TNR: variants seen among roughly 807,000 people sequenced by gnomAD.
TNR encodes the protein tenascin R.
Under a neutral mutation model 150.4 loss-of-function variants are expected in TNR, and 45 were observed. The ratio of observed to expected loss-of-function variants is 0.30; its 90% CI spans 0.24 to 0.38. The LOEUF is 0.38. TNR is among the 10% of genes least tolerant of loss of function. The probability of loss-of-function intolerance (pLI) is 1.00; values close to 1 mark genes in which losing one functional copy is unlikely to be tolerated. For missense variants in TNR, 1,544 were observed against 1,759.1 expected (o/e 0.88, Z 2.19); for synonymous variants, 687 against 678.4 (o/e 1.01, Z -0.20).
At position 175,724,918 on chromosome 1, in the gene TNR, C is replaced by A. The variant is rs1177110939; in HGVS notation, c.-165+18308G>T. On this transcript the variant is annotated intron_variant, in intron 1 of 22. Transcript: ENST00000367674. Reference sequence around the variant, plus strand: ...AAAAAGGGGAAGAACATAGAGCAGACCCTAGGGAGTGTGGGGAACTCAGAA... The same window carrying A: ...AAAAAGGGGAAGAACATAGAGCAGAACCTAGGGAGTGTGGGGAACTCAGAA... Among the ~76,000 whole-genome samples, 5 of 152,094 alleles carry A rather than the reference C, an allele frequency of 3.3e-5. No individual in the cohort carries two copies. The East Asian group carries it at 9.7e-4, about 29-fold the overall frequency.
intron 2 of TNR, among the ~76,000 whole-genome samples, chr1:175,497,993 G>T (rs1183920809): frequency 6.6e-6 from 1 of 152,124 alleles, no homozygotes; most frequent in African/African-American, 2.4e-5. Flanking sequence ...TCAGGAGGTG[G>T]AAGTTGCAGT....
intron 1 of TNR, among the ~76,000 whole-genome samples, chr1:175,549,880 T>G (rs1018064790): frequency 6.6e-6 from 1 of 152,170 alleles, no homozygotes; most frequent in African/African-American, 2.4e-5. Context: ...ATGATCCCAG[T>G]CTGAGAACCT....
intron 9 of TNR, among the ~76,000 whole-genome samples, chr1:175,377,561 A>T (rs1652467640): frequency 6.9e-6 from 1 of 144,782 alleles, no homozygotes; most frequent in Non-Finnish European, 1.5e-5. Flanking sequence ...TGCTTAATTC[A>T]CCCCCGTTAA....
At chr1:175,367,360 G>T in intron 9 of TNR, 63 bp from the exon 10 acceptor site, 3 of 1,414,110 alleles carry the variant, frequency 2.1e-6, no homozygotes, top group Non-Finnish European at 3.0e-6. Context: ...AAGGCTGAAA[G>T]TGGGAAGAAA....
chr1:175,498,192 C>T (rs78599945), intron 2 of TNR, among the ~76,000 whole-genome samples: 6,539 of 152,284 alleles, frequency 0.043, 194 homozygotes, highest in South Asian at 0.086. Flanking sequence ...AATGAGTCAC[C>T]AAAAACTTGT....
intron 2 of TNR, among the ~76,000 whole-genome samples, chr1:175,480,053 G>C (rs1481806185): frequency 6.6e-6 from 1 of 151,896 alleles, no homozygotes; most frequent in Non-Finnish European, 1.5e-5. Flanking sequence ...ATGACCACAG[G>C]GACTTGTCTG....
At chr1:175,689,061 T>C (rs1382995692) in intron 1 of TNR, among the ~76,000 whole-genome samples, 2 of 152,048 alleles carry the variant, frequency 1.3e-5, no homozygotes, top group Admixed American at 1.3e-4. Context: ...GTAACTAGAG[T>C]TCTTGGCATC....
Position 175,445,440 on chromosome 1 carries a change from A to AT in TNR, c.-63-38664dup, listed in dbSNP as rs201803514. ...GCAGAAGTTTTAAACCTGTTCAAGG[A>AT]TTTTTTTTTCCATTTCTTGGTCTCT... On this transcript the variant is annotated intron_variant, in intron 2 of 22. Transcript: ENST00000367674. Among the ~76,000 whole-genome samples the AT allele has an allele frequency of 3.3e-3, 505 of 151,818 alleles. 2 individuals carry two copies. The highest frequency in any genetic ancestry group is 7.4e-3 in the African/African-American group (306 of 41,378).
chr1:175,324,147 G>A (rs1049396165), intron 22 of TNR, among the ~76,000 whole-genome samples: 1 of 152,210 alleles, frequency 6.6e-6, no homozygotes, highest in Admixed American at 6.5e-5. Context: ...CTCTGGGTAA[G>A]TTCTGGCTCC....
intron 2 of TNR, among the ~76,000 whole-genome samples, chr1:175,457,592 G>A (rs918766269): frequency 2.1e-4 from 32 of 152,180 alleles, no homozygotes; most frequent in Admixed American, 2.1e-3. Flanking sequence ...CTCTACACCA[G>A]ATCTATAAAT....
At chr1:175,604,242 C>T (rs1191059459) in intron 1 of TNR, among the ~76,000 whole-genome samples, 2 of 152,136 alleles carry the variant, frequency 1.3e-5, no homozygotes, top group Admixed American at 1.3e-4. Context: ...TTCAGCCCAG[C>T]GGAGATGGAT....
In TNR at chr1:175,571,201, C is replaced by T. The variant is rs548208384; in HGVS notation, c.-164-42832G>A. ...GAGAAGCTATCATAACATGGGACTG[C>T]TCCACCTTTAGAATGTTCACTTTGT... On this transcript the variant is annotated intron_variant, in intron 1 of 22. Transcript: ENST00000367674. Among the ~76,000 whole-genome samples, 8 of 152,324 alleles carry T rather than the reference C, an allele frequency of 5.3e-5. No homozygotes were observed. The South Asian group carries it at 1.7e-3, about 32-fold the overall frequency.
chr1:175,534,463 C>T (rs1332691736), intron 1 of TNR, among the ~76,000 whole-genome samples: 1 of 152,214 alleles, frequency 6.6e-6, no homozygotes, highest in Non-Finnish European at 1.5e-5. Context: ...AGATTTAGTG[C>T]TACCTCATTC....
chr1:175,396,707 G>A lies in TNR; in HGVS notation c.1077C>T (p.Tyr359=). The A allele has an allele frequency of 6.2e-7, 1 of 1,614,206 alleles. No individual in the cohort carries two copies. Among genetic ancestry groups the A allele is most frequent in the Non-Finnish European group, 8.5e-7 (1 of 1,180,040 alleles). ...PMAVTEYVIS[Y]QPTALGGLQL... is the part of the protein sequence containing the mutation. ...GGAGGCCCCCCAGGGCCGTCGGCTG[G>A]TAAGAGATCACATATTCCGTCACTG... The change falls in exon 5 of 23, where the codon TAC becomes TAT. Residue 359 remains tyrosine, a synonymous_variant. Transcript: ENST00000367674.
chr1:175,552,071 G>A (rs1043616936), intron 1 of TNR, among the ~76,000 whole-genome samples: 16 of 152,178 alleles, frequency 1.1e-4, no homozygotes, highest in South Asian at 4.1e-4. Context: ...TGCCCCTGAG[G>A]AACAGCCCTC....
chr1:175,587,828 C>T (rs1195638177), intron 1 of TNR, among the ~76,000 whole-genome samples: 1 of 152,194 alleles, frequency 6.6e-6, no homozygotes, highest in Non-Finnish European at 1.5e-5. Context: ...AGCCCTTTTG[C>T]TCTACTCTGG....
intron 1 of TNR, among the ~76,000 whole-genome samples, chr1:175,552,680 T>C (rs1409524395): frequency 6.6e-6 from 1 of 152,206 alleles, no homozygotes; most frequent in African/African-American, 2.4e-5. Context: ...CATTGTCTAT[T>C]TGAAGTCTTC....
At chr1:175,422,899 G>A (rs539378539) in intron 2 of TNR, among the ~76,000 whole-genome samples, 1 of 152,208 alleles carries the variant, frequency 6.6e-6, no homozygotes. Context: ...TGAGGTGGTT[G>A]GCTGTGAGCT....
intron 2 of TNR, among the ~76,000 whole-genome samples, chr1:175,505,127 C>CT (rs1658901213): frequency 9.1e-6 from 1 of 110,304 alleles, no homozygotes; most frequent in African/African-American, 3.7e-5. Context: ...CGTTTCCAAT[C>CT]TGCAGCCCCC....
Sources: gnomAD v4.1 joint callset for allele counts (sites outside exome capture counted in the v4.1 genomes callset) on GRCh38, gnomAD v4.1.1 for gene constraint, MANE v1.5 for transcripts, NCBI Gene and HGNC (gene_info 2026-07-23, HGNC 2026-07-21) for gene names.